The following PCDHGA3 variants were observed in gnomAD, a reference collection of about 807,000 sequenced individuals.
PCDHGA3 encodes the protein protocadherin gamma subfamily A, 3, also known as protocadherin gamma-A3.
PCDHGA3 carries 40 observed loss-of-function variants against 58.5 expected under a neutral mutation model. The observed-to-expected ratio is 0.68, with a 90% CI of 0.53 to 0.89. The LOEUF is 0.89. Ranked by LOEUF, PCDHGA3 falls within the 40% of genes least tolerant of loss-of-function variation. The probability of loss-of-function intolerance (pLI) is 0.00; values close to 1 mark genes in which losing one functional copy is unlikely to be tolerated. For missense variants in PCDHGA3, 1,223 were observed against 1,195.9 expected (o/e 1.02, Z -0.33); for synonymous variants, 530 against 525.7 (o/e 1.01, Z -0.11).
chr5:141,427,654 T>C (rs2097054872), intron 1 of PCDHGA3: 3 of 727,622 alleles, frequency 4.1e-6, no homozygotes, highest in Non-Finnish European at 7.4e-6. Context: ...TCCTACGTGG[T>C]CCACGTGGCC....
At chr5:141,350,392 G>A (rs778408660) in intron 1 of PCDHGA3, 91 of 1,598,620 alleles carry the variant, frequency 5.7e-5, no homozygotes, top group Non-Finnish European at 7.4e-5. Flanking sequence ...ACGGCTCACG[G>A]GTGGGGAAAC....
At chr5:141,478,765 C>T in intron 1 of PCDHGA3, 1 of 1,508,614 alleles carries the variant, frequency 6.6e-7, no homozygotes, top group Non-Finnish European at 8.9e-7. Context: ...AGATACTTGA[C>T]TCATCTGTGG....
rs1296142784 is a variant in PCDHGA3 at position 141,431,302 on chromosome 5, C to T, written c.2425-63505C>T. ...GCCCGAACACTCACTTCTCCCTCAT[C>T]GTGCAAAATGGAGCCGACGGTAGTA... is the stretch of plus-strand genomic sequence containing the variant. On this transcript the variant is annotated intron_variant, in intron 1 of 3. Coordinates refer to ENST00000253812, the MANE Select transcript of PCDHGA3 (RefSeq NM_018916.4). This position sits in a 1 kb window ranked among gnomAD's most constrained non-coding sequence, Gnocchi z 4.8. 2 of 1,614,028 alleles carry T rather than the reference C, an allele frequency of 1.2e-6. No individual in the cohort carries two copies. Among genetic ancestry groups the T allele is most frequent in the African/African-American group, 1.3e-5 (1 of 74,946 alleles).
intron 1 of PCDHGA3, chr5:141,421,835 G>T: frequency 6.2e-7 from 1 of 1,613,746 alleles, no homozygotes. Flanking sequence ...AGCCTGGACC[G>T]AGAGAAAGAG....
chr5:141,450,669 T>C (rs2098689726), intron 1 of PCDHGA3, among the ~76,000 whole-genome samples: 1 of 151,904 alleles, frequency 6.6e-6, no homozygotes, highest in Admixed American at 6.6e-5. Context: ...GTACTTTTAG[T>C]AGAAACGGGG....
At chr5:141,373,389 A>G (rs1769537538) in intron 1 of PCDHGA3, among the ~76,000 whole-genome samples, 1 of 152,210 alleles carries the variant, frequency 6.6e-6, no homozygotes, top group South Asian at 2.1e-4. Context: ...GTGTTTGTGT[A>G]GCATATGCCT....
chr5:141,446,138 T>C (rs1254949926), intron 1 of PCDHGA3, among the ~76,000 whole-genome samples: 1 of 152,208 alleles, frequency 6.6e-6, no homozygotes, highest in African/African-American at 2.4e-5. Context: ...GACTTAATAA[T>C]GGAATAGGTG....
At chr5:141,388,773 G>T (rs769358867) in intron 1 of PCDHGA3, 12 of 1,613,808 alleles carry the variant, frequency 7.4e-6, no homozygotes, top group Non-Finnish European at 9.3e-6. Context: ...CTCTAACACC[G>T]GGGAAATTAC....
In PCDHGA3 at chr5:141,345,735, C is replaced by A; in HGVS notation, c.1702C>A (p.Pro568Thr). 1 of 1,614,226 alleles carries A rather than the reference C, an allele frequency of 6.2e-7. No individual in the cohort carries two copies. Among genetic ancestry groups the A allele is most frequent in the East Asian group, 2.2e-5 (1 of 44,874 alleles). ...NAPEILYPAL[P>T]TDGSTGVELA... ...GCCCGAGATCCTGTACCCCGCCCTC[C>A]CCACAGACGGTTCCACTGGCGTGGA... is the stretch of plus-strand genomic sequence containing the variant. The change falls in exon 1 of 4, where the codon CCC becomes ACC. Residue 568 changes from proline (P) to threonine (T), a missense_variant. Pro to Thr is a conservative substitution (Grantham distance 38). Transcript: ENST00000253812.
In PCDHGA3 at chr5:141,493,668, GC is replaced by G. The variant is rs1178535601; in HGVS notation, c.2425-1135del. On this transcript the variant is annotated intron_variant, in intron 1 of 3. Coordinates refer to ENST00000253812, the MANE Select transcript of PCDHGA3 (RefSeq NM_018916.4). This position sits in a 1 kb window ranked among gnomAD's most constrained non-coding sequence, Gnocchi z 4.3. ...CATCCCTGTGCCCTTCTCCATGGCAGCCCCAGAATGGTGCTGGTGACTCCCG... is the reference window on the plus strand; with the variant it reads ...CATCCCTGTGCCCTTCTCCATGGCAGCCCAGAATGGTGCTGGTGACTCCCG... Among the ~76,000 whole-genome samples the G allele has an allele frequency of 6.6e-6, 1 of 152,140 alleles. No individual in the cohort carries two copies. The highest frequency in any genetic ancestry group is 2.4e-5 in the African/African-American group (1 of 41,422).
chr5:141,421,748 G>C, intron 1 of PCDHGA3: 1 of 1,613,944 alleles, frequency 6.2e-7, no homozygotes, highest in Non-Finnish European at 8.5e-7. Flanking sequence ...TACCAGCTCA[G>C]CCCTAATAAT....
At chr5:141,357,577 A>T (rs1202708968) in intron 1 of PCDHGA3, 1 of 1,614,198 alleles carries the variant, frequency 6.2e-7, no homozygotes, top group East Asian at 2.2e-5. Flanking sequence ...GCCTCTTCTG[A>T]TAACTCAGGA....
chr5:141,371,840 A>T, intron 1 of PCDHGA3: 1 of 1,613,642 alleles, frequency 6.2e-7, no homozygotes, highest in African/African-American at 1.3e-5. Flanking sequence ...CCGACTTGGG[A>T]CCTAATGGCC....
intron 1 of PCDHGA3, chr5:141,393,114 CG>C: frequency 6.2e-7 from 1 of 1,613,418 alleles, no homozygotes; most frequent in Non-Finnish European, 8.5e-7. Flanking sequence ...TCAGAGCCCG[CG>C]GTGTCTGATA....
chr5:141,391,872 CTT>C (rs1248262671), intron 1 of PCDHGA3: 1 of 152,168 alleles, frequency 6.6e-6, no homozygotes, highest in East Asian at 1.9e-4. Context: ...TTAATCATCT[CTT>C]TGGTGAAAGG....
intron 1 of PCDHGA3, chr5:141,366,278 G>T: frequency 1.2e-6 from 2 of 1,613,712 alleles, no homozygotes; most frequent in Non-Finnish European, 1.7e-6. Context: ...CGAAGACCAT[G>T]GCCAGCCCCC....
intron 1 of PCDHGA3, chr5:141,396,060 G>C (rs1309175410): frequency 6.6e-6 from 1 of 152,200 alleles, no homozygotes; most frequent in African/African-American, 2.4e-5. Flanking sequence ...CCAATTAGCT[G>C]TTTCGGTTGT....
intron 1 of PCDHGA3, chr5:141,414,476 C>G (rs1242647918): frequency 6.2e-7 from 1 of 1,613,920 alleles, no homozygotes; most frequent in Non-Finnish European, 8.5e-7. Context: ...GGGGGAAGTC[C>G]TCCTCTATCA....
chr5:141,496,152 C>T (rs771462960), intron 2 of PCDHGA3, among the ~76,000 whole-genome samples: 2 of 152,080 alleles, frequency 1.3e-5, no homozygotes, highest in Non-Finnish European at 1.5e-5. Flanking sequence ...GATCGCAGCT[C>T]TCCACCAGAC....
Sources: allele counts gnomAD v4.1 joint callset (sites outside exome capture counted in the v4.1 genomes callset), GRCh38; gene constraint gnomAD v4.1.1; non-coding constraint Gnocchi (gnomAD v3.1); transcripts MANE v1.5; gene names NCBI Gene and HGNC (gene_info 2026-07-23, HGNC 2026-07-21).